GAS2: variants seen among roughly 807,000 people sequenced by gnomAD.
The protein encoded by GAS2 is growth arrest specific 2.
In GAS2, 20 loss-of-function variants were observed where a neutral mutation model predicts 37.5. That is an observed-to-expected ratio of 0.53 (90% CI 0.37 to 0.77). GAS2 has a LOEUF of 0.77. Ranked by LOEUF, GAS2 falls within the 30% of genes least tolerant of loss-of-function variation. GAS2 has a pLI of 0.00. For missense variants in GAS2, 336 were observed against 373.4 expected (o/e 0.90, Z 0.82); for synonymous variants, 144 against 132.2 (o/e 1.09, Z -0.61).
intron 3 of GAS2, among the ~76,000 whole-genome samples, chr11:22,704,669 C>CTTGTAGTAAGGAATATTGTAGA (rs1203791142): frequency 3.5e-5 from 5 of 142,242 alleles, no homozygotes; most frequent in Non-Finnish European, 7.5e-5. Context: ...AGAACCCTTT[C>CTTGTAGTAAGGAATATTGTAGA]TTGTAGTAAG....
intron 6 of GAS2, among the ~76,000 whole-genome samples, chr11:22,750,064 G>A (rs534570525): frequency 1.3e-5 from 2 of 152,040 alleles, no homozygotes; most frequent in Non-Finnish European, 2.9e-5. Context: ...CTGGGATGTT[G>A]TTTATGCAAA....
chr11:22,640,303 A>G (rs553816292), intron 1 of GAS2, among the ~76,000 whole-genome samples: 2 of 152,334 alleles, frequency 1.3e-5, no homozygotes, highest in South Asian at 2.1e-4. Context: ...TGTATATTCT[A>G]CAAATTAGAG....
At chr11:22,645,575 T>C (rs1848679007) in intron 1 of GAS2, among the ~76,000 whole-genome samples, 1 of 151,994 alleles carries the variant, frequency 6.6e-6, no homozygotes, top group African/African-American at 2.4e-5. Flanking sequence ...AATTTGTTTC[T>C]TTAGTGGGAA....
intron 2 of GAS2, 22 bp downstream of exon 2, chr11:22,675,036 T>A (rs767105942): frequency 6.2e-7 from 1 of 1,609,284 alleles, no homozygotes; most frequent in Admixed American, 1.7e-5. Flanking sequence ...AGATCTCATT[T>A]TGTGAGCAAA....
chr11:22,681,482 G>A (rs1473932587), intron 2 of GAS2, among the ~76,000 whole-genome samples: 7 of 152,088 alleles, frequency 4.6e-5, no homozygotes, highest in Non-Finnish European at 1.0e-4. Context: ...TTCTAAACTA[G>A]GACACTCTAG....
At chr11:22,780,202 T>A (rs1855482513) in intron 7 of GAS2, among the ~76,000 whole-genome samples, 1 of 152,076 alleles carries the variant, frequency 6.6e-6, no homozygotes, top group South Asian at 2.1e-4. Flanking sequence ...TAGCTAGGGT[T>A]GAGATTAGCT....
chr11:22,741,307 A>C (rs1853065256), intron 5 of GAS2, among the ~76,000 whole-genome samples: 1 of 54,406 alleles, frequency 1.8e-5, no homozygotes, highest in African/African-American at 6.6e-5. Context: ...TATGTGTTTG[A>C]CTTGTGAAAA....
At chr11:22,721,798 A>G (rs534110711) in intron 3 of GAS2, among the ~76,000 whole-genome samples, 1 of 152,052 alleles carries the variant, frequency 6.6e-6, no homozygotes, top group Non-Finnish European at 1.5e-5. Context: ...TAAAGATAGG[A>G]AGAAGTAAAT....
At chr11:22,718,064 A>T (rs1851765313) in intron 3 of GAS2, among the ~76,000 whole-genome samples, 1 of 152,114 alleles carries the variant, frequency 6.6e-6, no homozygotes, top group Non-Finnish European at 1.5e-5. Context: ...CAGTATGGAG[A>T]TTCCTTAAAG....
chr11:22,671,225 A>G (rs1849187792), intron 1 of GAS2, among the ~76,000 whole-genome samples: 1 of 152,138 alleles, frequency 6.6e-6, no homozygotes, highest in African/African-American at 2.4e-5. Context: ...GAAAAAATAT[A>G]TACACACACA....
At chr11:22,662,480 C>G (rs562418054), upstream of GAS2, among the ~76,000 whole-genome samples, 26 of 152,100 alleles carry the variant, frequency 1.7e-4, no homozygotes, top group Non-Finnish European at 3.4e-4. Flanking sequence ...TACTATATGT[C>G]TAATGATATT....
chr11:22,713,468 A>G (rs1851511375), intron 3 of GAS2, among the ~76,000 whole-genome samples: 1 of 152,160 alleles, frequency 6.6e-6, no homozygotes, highest in African/African-American at 2.4e-5. Context: ...TGGTCTTGCT[A>G]GAGATCTAGA....
At chr11:22,663,320 C>T (rs1848935918), upstream of GAS2, among the ~76,000 whole-genome samples, 1 of 151,902 alleles carries the variant, frequency 6.6e-6, no homozygotes, top group South Asian at 2.1e-4. Context: ...GTCCCACCTA[C>T]CGTGACACTG....
chr11:22,781,068 G>T (rs1282096695), intron 7 of GAS2, among the ~76,000 whole-genome samples: 1 of 152,120 alleles, frequency 6.6e-6, no homozygotes, highest in African/African-American at 2.4e-5. Flanking sequence ...GAGAACCTGA[G>T]AAAAAAAGCA....
chr11:22,750,615 T>C (rs528907460), intron 6 of GAS2, among the ~76,000 whole-genome samples: 1 of 152,216 alleles, frequency 6.6e-6, no homozygotes, highest in African/African-American at 2.4e-5. Flanking sequence ...TACCTTGCTT[T>C]TCATAGGATT....
intron 3 of GAS2, among the ~76,000 whole-genome samples, chr11:22,706,589 G>A (rs955826895): frequency 6.6e-6 from 1 of 151,898 alleles, no homozygotes; most frequent in Non-Finnish European, 1.5e-5. Flanking sequence ...GCGGTGTTTG[G>A]TTTTTTGTCC....
chr11:22,672,597 T>G (rs539451410), intron 1 of GAS2: 1 of 152,160 alleles, frequency 6.6e-6, no homozygotes, highest in Non-Finnish European at 1.5e-5. Flanking sequence ...TAGGTAAAGT[T>G]ACTGAACAGC....
intron 1 of GAS2, among the ~76,000 whole-genome samples, chr11:22,657,492 G>A (rs1848869254): frequency 6.6e-6 from 1 of 152,098 alleles, no homozygotes; most frequent in Admixed American, 6.5e-5. Context: ...AAGGGAAGTG[G>A]TTGGAGTGTG....
At chr11:22,667,191 G>A (rs1849018173) in intron 1 of GAS2, 1 of 152,218 alleles carries the variant, frequency 6.6e-6, no homozygotes, top group Non-Finnish European at 1.5e-5. Context: ...GACAACCGCA[G>A]CACGTAAGCC....
Sources: allele counts gnomAD v4.1 joint callset (sites outside exome capture counted in the v4.1 genomes callset), GRCh38; gene constraint gnomAD v4.1.1; transcripts MANE v1.5; gene names NCBI Gene and HGNC (gene_info 2026-07-23, HGNC 2026-07-21).